The following NELL1 variants were observed in gnomAD, a reference collection of about 807,000 sequenced individuals.
The protein encoded by NELL1 is neural EGFL like 1.
A neutral mutation model predicts 107.4 loss-of-function variants in NELL1; 76 were observed. That is an observed-to-expected ratio of 0.71 (90% CI 0.59 to 0.86). The LOEUF (loss-of-function observed/expected upper bound fraction) is 0.86. Among genes scored for constraint, NELL1 ranks in the 40% least tolerant of loss-of-function variants. The pLI, the probability that NELL1 is intolerant of heterozygous loss-of-function variation, is 0.00. For missense variants in NELL1, 1,024 were observed against 1,005.5 expected, an observed-to-expected ratio of 1.02 and a Z score of -0.25; for synonymous variants, 353 against 341.2, an observed-to-expected ratio of 1.03 and a Z score of -0.38.
intron 15 of NELL1, among the ~76,000 whole-genome samples, chr11:21,388,058 G>A (rs1851787118): frequency 6.9e-6 from 1 of 143,992 alleles, no homozygotes; most frequent in Non-Finnish European, 1.5e-5. Flanking sequence ...TTAAATTCTT[G>A]TCTGGTGTTT....
At chr11:20,802,027 G>C (rs1200145038) in intron 3 of NELL1, among the ~76,000 whole-genome samples, 3 of 152,042 alleles carry the variant, frequency 2.0e-5, no homozygotes, top group African/African-American at 7.2e-5. Context: ...GATTCCTCCA[G>C]TTTTCTTTTT....
chr11:21,175,315 T>A (rs185052378), intron 13 of NELL1, among the ~76,000 whole-genome samples: 4 of 151,878 alleles, frequency 2.6e-5, no homozygotes, highest in Admixed American at 2.6e-4. Context: ...ATTCTTCAAT[T>A]TCATGTTTGC....
chr11:20,718,008 C>A (rs903157910), intron 2 of NELL1, among the ~76,000 whole-genome samples: 2 of 152,152 alleles, frequency 1.3e-5, no homozygotes, highest in Admixed American at 6.5e-5. Flanking sequence ...CTGACTTCTC[C>A]CTTCTTGAGC....
chr11:21,086,266 CT>C (rs369759532), intron 12 of NELL1, among the ~76,000 whole-genome samples: 1,867 of 151,510 alleles, frequency 0.012, 33 homozygotes, highest in African/African-American at 0.043. Flanking sequence ...TGTTCTGTAT[CT>C]TTTTTTTTCA....
rs143038881 is a variant in NELL1 at position 21,108,075 on chromosome 11, A to G, written c.1301-5514A>G. Among the ~76,000 whole-genome samples the G allele has an allele frequency of 7.9e-5, 12 of 152,276 alleles. No homozygotes were observed. The East Asian group carries it at 2.3e-3, about 29-fold the overall frequency. The stretch of plus-strand genomic sequence containing the variant: ...AGGCACACAGTGCTTGACCAAAAAC[A>G]TGTTCTCAAGAGCTGTTGATCTTCT... On this transcript the variant is annotated intron_variant, in intron 12 of 19. Transcript: ENST00000357134.
At chr11:20,912,059 T>C (rs912449093) in intron 5 of NELL1, among the ~76,000 whole-genome samples, 11 of 152,218 alleles carry the variant, frequency 7.2e-5, no homozygotes, top group African/African-American at 2.7e-4. Context: ...CTAAAAATGC[T>C]TGTGATGTGC....
chr11:21,092,606 C>T (rs1854547515), intron 12 of NELL1, among the ~76,000 whole-genome samples: 1 of 152,106 alleles, frequency 6.6e-6, no homozygotes. Flanking sequence ...ATTTTAGGTA[C>T]AGCTCTAGGA....
chr11:21,206,171 G>T (rs1236494969), intron 13 of NELL1, among the ~76,000 whole-genome samples: 1 of 152,100 alleles, frequency 6.6e-6, no homozygotes, highest in Non-Finnish European at 1.5e-5. Context: ...GGGGTCAACA[G>T]GTCATACTCT....
chr11:21,106,721 A>G (rs1854978663), intron 12 of NELL1, among the ~76,000 whole-genome samples: 1 of 152,164 alleles, frequency 6.6e-6, no homozygotes. Context: ...ATATTTTTTT[A>G]CCTGACTTCT....
chr11:20,924,502 G>A (rs1327156370), intron 7 of NELL1, among the ~76,000 whole-genome samples: 3 of 152,202 alleles, frequency 2.0e-5, no homozygotes, highest in Non-Finnish European at 4.4e-5. Flanking sequence ...GAGTTTTGTA[G>A]GTGAGCACAG....
intron 16 of NELL1, among the ~76,000 whole-genome samples, chr11:21,534,718 T>G (rs1856089175): frequency 6.6e-6 from 1 of 152,160 alleles, no homozygotes; most frequent in South Asian, 2.1e-4. Flanking sequence ...ATATAGAAAC[T>G]GTGACAGAGG....
At chr11:20,939,130 C>G (rs1361235710) in intron 10 of NELL1, among the ~76,000 whole-genome samples, 1 of 151,858 alleles carries the variant, frequency 6.6e-6, no homozygotes, top group Non-Finnish European at 1.5e-5. Context: ...AAAAGAGATT[C>G]AAGAGCTATT....
intron 12 of NELL1, among the ~76,000 whole-genome samples, chr11:21,038,456 G>C (rs1230419668): frequency 6.6e-6 from 1 of 152,188 alleles, no homozygotes; most frequent in Admixed American, 6.5e-5. Flanking sequence ...TACAGAAACA[G>C]AAGGCCAAGG....
intron 5 of NELL1, among the ~76,000 whole-genome samples, chr11:20,888,903 TA>T (rs1320599522): frequency 6.6e-6 from 1 of 152,240 alleles, no homozygotes; most frequent in Non-Finnish European, 1.5e-5. Context: ...TCAGCTTATT[TA>T]CATGTCATCC....
At chr11:21,005,546 C>T (rs1254937816) in intron 12 of NELL1, among the ~76,000 whole-genome samples, 1 of 152,166 alleles carries the variant, frequency 6.6e-6, no homozygotes, top group Non-Finnish European at 1.5e-5. Context: ...TACCTTCTGG[C>T]TCTTGTCTTT....
At chr11:21,333,794 A>G (rs1020490856) in intron 14 of NELL1, among the ~76,000 whole-genome samples, 3 of 152,128 alleles carry the variant, frequency 2.0e-5, no homozygotes, top group African/African-American at 2.4e-5. Context: ...TCTATTCTCC[A>G]TGCACATATG....
At chr11:20,719,375 T>C (rs1227288392) in intron 2 of NELL1, among the ~76,000 whole-genome samples, 1 of 152,088 alleles carries the variant, frequency 6.6e-6, no homozygotes, top group Non-Finnish European at 1.5e-5. Context: ...ATATTAAATA[T>C]TCATTGTCAG....
At chr11:21,049,620 C>A (rs973602512) in intron 12 of NELL1, among the ~76,000 whole-genome samples, 1 of 152,200 alleles carries the variant, frequency 6.6e-6, no homozygotes, top group Middle Eastern at 3.4e-3. Flanking sequence ...CTAACCAGGG[C>A]CACTGCCATA....
chr11:21,223,399 A>G (rs1313149292), intron 13 of NELL1, among the ~76,000 whole-genome samples: 1 of 151,858 alleles, frequency 6.6e-6, no homozygotes, highest in Non-Finnish European at 1.5e-5. Context: ...CTCACTTTTG[A>G]TATCTATTTG....
Sources: gnomAD v4.1 joint callset for allele counts (sites outside exome capture counted in the v4.1 genomes callset) on GRCh38, gnomAD v4.1.1 for gene constraint, MANE v1.5 for transcripts, NCBI Gene and HGNC (gene_info 2026-07-23, HGNC 2026-07-21) for gene names.